The following NEK10 variants were observed in gnomAD, a reference collection of about 807,000 sequenced individuals.
The protein encoded by NEK10 is NIMA related kinase 10.
Under a neutral mutation model 159.8 loss-of-function variants are expected in NEK10, and 122 were observed. That is an observed-to-expected ratio of 0.76 (90% confidence interval 0.66 to 0.89). The LOEUF (loss-of-function observed/expected upper bound fraction) is 0.89, where lower values mean the gene tolerates loss of function less well. Among genes scored for constraint, NEK10 ranks in the 40% least tolerant of loss-of-function variants. The pLI is 0.00. For synonymous variants in NEK10, 466 were observed against 457.1 expected, an observed-to-expected ratio of 1.02 and a Z score of -0.25; for missense variants, 1,342 against 1,323.1, an observed-to-expected ratio of 1.01 and a Z score of -0.22.
Position 27,308,862 on chromosome 3 carries a change from C to T in NEK10, c.716+64G>A, listed in dbSNP as rs565821318. ...GTTGACAAAGTAACTGATTATTTTG[C>T]ATCCTTACCACCTAAATTGCTATAG... On this transcript the variant is annotated intron_variant, in intron 10 of 35. Coordinates refer to ENST00000691995, the MANE Select transcript of NEK10 (RefSeq NM_001394966.1). The T allele has an allele frequency of 1.9e-5, 13 of 680,826 alleles. No individual in the cohort carries two copies. The South Asian group carries it at 3.0e-4, about 16-fold the overall frequency. The allele number at this position is 680,826 out of a possible 1,614,324, so 42.2% of individuals were successfully genotyped here.
intron 4 of NEK10, 89 bp from the exon 5 acceptor site, chr3:27,344,459 G>T (rs1301661226): frequency 3.0e-6 from 2 of 656,086 alleles, no homozygotes; most frequent in African/African-American, 1.8e-5. Flanking sequence ...CTATATTCAG[G>T]TAACATTTTT....
At chr3:27,228,666 A>C (rs1224311447) in intron 23 of NEK10, among the ~76,000 whole-genome samples, 1 of 152,138 alleles carries the variant, frequency 6.6e-6, no homozygotes, top group Non-Finnish European at 1.5e-5. Context: ...TTCCTGGAAC[A>C]ATTTAGAATG....
intron 24 of NEK10, 132 bp downstream of exon 24, chr3:27,202,296 G>C: frequency 1.4e-6 from 1 of 690,030 alleles, no homozygotes; most frequent in Non-Finnish European, 2.2e-6. Flanking sequence ...AAATAAACTG[G>C]ATCATGCAGT....
intron 13 of NEK10, among the ~76,000 whole-genome samples, chr3:27,301,052 C>G (rs2043781665): frequency 6.6e-6 from 1 of 152,310 alleles, no homozygotes; most frequent in African/African-American, 2.4e-5. Context: ...CCTCTCTGCT[C>G]CCTTTCTGTG....
chr3:27,167,818 G>A (rs779273649), intron 29 of NEK10, among the ~76,000 whole-genome samples: 8 of 152,092 alleles, frequency 5.3e-5, no homozygotes, highest in Non-Finnish European at 7.4e-5. Context: ...CTTGGATTCC[G>A]AGGTGCCTTC....
chr3:27,316,393 G>A (rs2045179797), intron 6 of NEK10, among the ~76,000 whole-genome samples: 1 of 152,252 alleles, frequency 6.6e-6, no homozygotes, highest in Non-Finnish European at 1.5e-5. Flanking sequence ...GGAGTGGCTG[G>A]GCACAATGTC....
chr3:27,143,077 G>A (rs1412407937), intron 30 of NEK10, among the ~76,000 whole-genome samples: 1 of 152,030 alleles, frequency 6.6e-6, no homozygotes, highest in Non-Finnish European at 1.5e-5. Flanking sequence ...ATAGAAAACA[G>A]AGAGCTGGAG....
Position 27,307,965 on chromosome 3 carries a change from A to G in NEK10, c.717-20T>C. ...TCTTGACTATAAATTGAAAAATATT[A>G]GCAATTACTAAAAGCATATTTTGCT... On this transcript the variant is annotated intron_variant, in intron 10 of 35. Coordinates refer to ENST00000691995, the MANE Select transcript of NEK10 (RefSeq NM_001394966.1). 8.6e-7 allele frequency: 1 copy of G among 1,157,200 alleles called. No homozygotes were observed. The highest frequency in any genetic ancestry group is 1.3e-6 in the Non-Finnish European group (1 of 766,624). 71.7% of individuals were successfully genotyped at this position (1,157,200 alleles called of 1,614,324 possible).
At chr3:27,283,141 T>C (rs1034127904) in intron 22 of NEK10, among the ~76,000 whole-genome samples, 1 of 152,168 alleles carries the variant, frequency 6.6e-6, no homozygotes, top group Non-Finnish European at 1.5e-5. Context: ...TCATCATTCC[T>C]GAACACATGT....
intron 1 of NEK10, among the ~76,000 whole-genome samples, chr3:27,357,532 A>G (rs1265734098): frequency 1.3e-5 from 2 of 152,174 alleles, no homozygotes; most frequent in Non-Finnish European, 2.9e-5. Flanking sequence ...TTAATTTCCA[A>G]TCTTTTATGG....
intron 26 of NEK10, among the ~76,000 whole-genome samples, chr3:27,189,381 T>C (rs1392364912): frequency 6.6e-6 from 1 of 152,130 alleles, no homozygotes; most frequent in South Asian, 2.1e-4. Context: ...CCCACTAATT[T>C]GCAAAATTTC....
chr3:27,276,070 A>G lies in NEK10; in HGVS notation c.2014+8532T>C, dbSNP rs150869687. 2.9e-3 allele frequency among the ~76,000 whole-genome samples: 445 copies of G among 152,166 alleles called. 4 individuals are homozygous for G. Among genetic ancestry groups the G allele is most frequent in the African/African-American group, 0.01 (433 of 41,522 alleles). ...GATCTCAAACCCAGGTATCACCTCA[A>G]TCTCTGCTCCCTATTTGTAAAATGG... On this transcript the variant is annotated intron_variant, in intron 22 of 35. Transcript: ENST00000691995.
chr3:27,162,552 C>T, intron 30 of NEK10, 149 bp downstream of exon 30: 1 of 1,614,054 alleles, frequency 6.2e-7, no homozygotes, highest in Non-Finnish European at 8.5e-7. Context: ...TAATGTGGGC[C>T]CTGAGCATGT....
intron 22 of NEK10, among the ~76,000 whole-genome samples, chr3:27,261,486 G>C (rs138506710): frequency 1.3e-5 from 2 of 151,940 alleles, no homozygotes; most frequent in African/African-American, 2.4e-5. Flanking sequence ...ATGTACCCAG[G>C]AGTCATTCAG....
intron 28 of NEK10, 30 bp downstream of exon 28, chr3:27,174,409 C>G: frequency 6.2e-7 from 1 of 1,608,486 alleles, no homozygotes. Context: ...CGGAATCCCA[C>G]AAACAGCAAA....
intron 1 of NEK10, among the ~76,000 whole-genome samples, chr3:27,365,272 A>C (rs2048972973): frequency 6.6e-6 from 1 of 152,050 alleles, no homozygotes; most frequent in South Asian, 2.1e-4. Flanking sequence ...TCCTGCTTGT[A>C]GTTTTTACTT....
At chr3:27,116,195 A>T in intron 33 of NEK10, 68 bp from the exon 34 acceptor site, 1 of 1,422,748 alleles carries the variant, frequency 7.0e-7, no homozygotes. Flanking sequence ...CTTTACTGGC[A>T]ATTATGACTT....
intron 23 of NEK10, among the ~76,000 whole-genome samples, chr3:27,204,301 G>GTTTTTTTTTTTTTTTTTTT (rs567092116): frequency 9.0e-5 from 6 of 66,376 alleles, no homozygotes; most frequent in Non-Finnish European, 1.4e-4. Flanking sequence ...TTTTGTTGTT[G>GTTTTTTTTTTTTTTTTTTT]TTTTTTTTTT....
At chr3:27,273,275 T>C (rs2041515786) in intron 22 of NEK10, among the ~76,000 whole-genome samples, 1 of 152,160 alleles carries the variant, frequency 6.6e-6, no homozygotes, top group Non-Finnish European at 1.5e-5. Context: ...TACTCATCCT[T>C]GTACAGCACT....
Sources: gnomAD v4.1 joint callset for allele counts (sites outside exome capture counted in the v4.1 genomes callset) on GRCh38, gnomAD v4.1.1 for gene constraint, MANE v1.5 for transcripts, NCBI Gene and HGNC (gene_info 2026-07-23, HGNC 2026-07-21) for gene names.